TMTC2: variants seen among roughly 807,000 people sequenced by gnomAD.
TMTC2 encodes the protein transmembrane O-mannosyltransferase targeting cadherins 2, also known as protein O-mannosyl-transferase TMTC2.
TMTC2 carries 43 observed loss-of-function variants against 82.4 expected under a neutral mutation model. The observed-to-expected ratio is 0.52, with a 90% confidence interval of 0.41 to 0.67. The LOEUF (loss-of-function observed/expected upper bound fraction) is 0.67. TMTC2 is among the 30% of genes least tolerant of loss of function. The pLI is 0.00. For synonymous variants in TMTC2, 408 were observed against 381.9 expected (o/e 1.07, Z -0.80); for missense variants, 919 against 1,012.4 (o/e 0.91, Z 1.25).
intron 1 of TMTC2, among the ~76,000 whole-genome samples, chr12:82,803,125 A>G (rs1232579462): frequency 2.0e-5 from 3 of 152,142 alleles, no homozygotes; most frequent in African/African-American, 4.8e-5. Context: ...ATACAAGAGG[A>G]TGTTAAATTT....
intron 8 of TMTC2, among the ~76,000 whole-genome samples, chr12:83,006,715 A>C (rs1303507121): frequency 6.6e-6 from 1 of 152,212 alleles, no homozygotes; most frequent in African/African-American, 2.4e-5. Context: ...AATGTCCATC[A>C]ATGATAGACT....
intron 8 of TMTC2, among the ~76,000 whole-genome samples, chr12:83,002,691 C>T (rs1336054984): frequency 6.6e-6 from 1 of 151,914 alleles, no homozygotes; most frequent in Non-Finnish European, 1.5e-5. Flanking sequence ...TCTTTAATTT[C>T]CATGTAATTG....
intron 2 of TMTC2, among the ~76,000 whole-genome samples, chr12:82,864,114 C>G (rs924721671): frequency 6.6e-6 from 1 of 152,108 alleles, no homozygotes; most frequent in Non-Finnish European, 1.5e-5. Context: ...CAGAAAATTA[C>G]TGGGTACCAT....
chr12:83,010,851 A>G (rs545656647), intron 8 of TMTC2, among the ~76,000 whole-genome samples: 5 of 151,842 alleles, frequency 3.3e-5, no homozygotes, highest in Non-Finnish European at 7.4e-5. Flanking sequence ...TTATTTATTT[A>G]GAAATGGAGT....
intron 7 of TMTC2, among the ~76,000 whole-genome samples, chr12:82,967,783 C>T (rs1218391936): frequency 2.0e-5 from 3 of 151,958 alleles, no homozygotes; most frequent in Non-Finnish European, 4.4e-5. Flanking sequence ...TCTTTTTTTC[C>T]AAAGCATAAA....
At chr12:82,693,239 T>G (rs1434794761) in intron 1 of TMTC2, among the ~76,000 whole-genome samples, 1 of 152,198 alleles carries the variant, frequency 6.6e-6, no homozygotes, top group East Asian at 1.9e-4. Flanking sequence ...TTTAATTATT[T>G]TACTCATGTT....
intron 3 of TMTC2, among the ~76,000 whole-genome samples, chr12:82,901,836 G>A (rs1411420869): frequency 1.3e-5 from 2 of 151,984 alleles, no homozygotes; most frequent in East Asian, 3.9e-4. Context: ...GTTGTCTGTG[G>A]GCTTTCCCAC....
intron 1 of TMTC2, among the ~76,000 whole-genome samples, chr12:82,820,534 C>A (rs1055945283): frequency 6.6e-5 from 10 of 151,894 alleles, no homozygotes; most frequent in Middle Eastern, 3.2e-3. Flanking sequence ...GCCACCACAC[C>A]CGGCTAATTT....
chr12:83,046,820 A>G (rs1882158274), intron 9 of TMTC2, among the ~76,000 whole-genome samples: 1 of 152,170 alleles, frequency 6.6e-6, no homozygotes, highest in East Asian at 1.9e-4. Context: ...ATTCTGCCAC[A>G]TGTACTAAAA....
At chr12:82,964,536 C>A (rs561916926) in intron 4 of TMTC2, among the ~76,000 whole-genome samples, 22 of 152,110 alleles carry the variant, frequency 1.4e-4, no homozygotes, top group Non-Finnish European at 2.4e-4. Context: ...TAAACTGTGA[C>A]TCTCTTTTTG....
intron 4 of TMTC2, among the ~76,000 whole-genome samples, chr12:82,951,974 T>A (rs1334498101): frequency 6.6e-6 from 1 of 152,186 alleles, no homozygotes; most frequent in African/African-American, 2.4e-5. Flanking sequence ...TTTTGCTTGG[T>A]CCTCGAATAC....
intron 3 of TMTC2, among the ~76,000 whole-genome samples, chr12:82,910,106 G>T (rs1191195060): frequency 6.6e-6 from 1 of 152,096 alleles, no homozygotes; most frequent in Non-Finnish European, 1.5e-5. Flanking sequence ...TCACGCACTG[G>T]TGCCTATTTC....
intron 8 of TMTC2, among the ~76,000 whole-genome samples, chr12:83,027,474 A>C (rs891621676): frequency 1.3e-5 from 2 of 152,144 alleles, no homozygotes; most frequent in African/African-American, 2.4e-5. Context: ...TCCTTGAAAT[A>C]ACATTGTTTT....
intron 1 of TMTC2, among the ~76,000 whole-genome samples, chr12:82,789,516 T>C (rs1322885460): frequency 8.5e-5 from 13 of 152,124 alleles, no homozygotes; most frequent in Admixed American, 8.5e-4. Flanking sequence ...TCTGGTATGA[T>C]TAATATTTAT....
chr12:82,891,359 A>C (rs1873384798), intron 2 of TMTC2, among the ~76,000 whole-genome samples: 2 of 152,098 alleles, frequency 1.3e-5, no homozygotes. Flanking sequence ...CCCAGGCTGG[A>C]GTGCAATGAC....
chr12:83,003,166 A>G (rs921972592), intron 8 of TMTC2, among the ~76,000 whole-genome samples: 1 of 152,226 alleles, frequency 6.6e-6, no homozygotes, highest in African/African-American at 2.4e-5. Flanking sequence ...TCATCATCAT[A>G]TAATACCCTT....
rs1334335483 is a variant in TMTC2 at position 82,896,485 on chromosome 12, C to T, written c.1322C>T (p.Ala441Val). Reference protein sequence around the residue: ...FCLLITVGARALYVKVQKRFL... With the variant: ...FCLLITVGARVLYVKVQKRFL... ...CTACTGATTACAGTGGGTGCTAGAG[C>T]CCTTTATGTCAAAGTCCAAAAGCGG... The change falls in exon 3 of 12, where the codon GCC (alanine) becomes GTC (valine). Residue 441 changes from alanine to valine, a missense_variant. Physicochemically the swap from Ala to Val is moderately conservative, Grantham distance 64. Coordinates refer to ENST00000321196, the MANE Select transcript of TMTC2 (RefSeq NM_152588.3). The T allele has an allele frequency of 1.9e-6, 3 of 1,614,034 alleles. No homozygotes were observed. In the African/African-American group the frequency reaches 4.0e-5, roughly 22 times the overall value.
At chr12:82,709,726 T>G (rs1361092238) in intron 1 of TMTC2, among the ~76,000 whole-genome samples, 1 of 152,196 alleles carries the variant, frequency 6.6e-6, no homozygotes, top group African/African-American at 2.4e-5. Context: ...ACACATTATA[T>G]CCAATGTATG....
intron 2 of TMTC2, among the ~76,000 whole-genome samples, chr12:82,864,496 CTTTT>C (rs775559477): frequency 1.9e-5 from 2 of 107,816 alleles, no homozygotes; most frequent in African/African-American, 3.9e-5. Flanking sequence ...ATGTCACATT[CTTTT>C]TTTTTTTTTT....
Sources: gnomAD v4.1 joint callset for allele counts (sites outside exome capture counted in the v4.1 genomes callset) on GRCh38, gnomAD v4.1.1 for gene constraint, MANE v1.5 for transcripts, NCBI Gene and HGNC (gene_info 2026-07-23, HGNC 2026-07-21) for gene names.